MYO16: variants seen among roughly 807,000 people sequenced by gnomAD.
The protein encoded by MYO16 is unconventional myosin-XVI.
MYO16 carries 94 observed loss-of-function variants against 205.3 expected under a neutral mutation model. That is an observed-to-expected ratio of 0.46 (90% confidence interval 0.39 to 0.54). The LOEUF (loss-of-function observed/expected upper bound fraction) is 0.54, where lower values mean the gene tolerates loss of function less well. MYO16 is among the 20% of genes least tolerant of loss of function. The pLI is 0.00. For synonymous variants in MYO16, 988 were observed against 954.0 expected, an observed-to-expected ratio of 1.04 and a Z score of -0.66; for missense variants, 2,315 against 2,387.5, an observed-to-expected ratio of 0.97 and a Z score of 0.63.
intron 14 of MYO16, among the ~76,000 whole-genome samples, chr13:108,892,070 C>A (rs1313725286): frequency 1.3e-5 from 2 of 151,874 alleles, no homozygotes; most frequent in Admixed American, 1.3e-4. Flanking sequence ...AAAATTTATT[C>A]TTCTCTAATA....
At chr13:108,497,373 TAAAC>T in the MYO16 span, among the ~76,000 whole-genome samples, 14 of 152,380 alleles carry the variant, frequency 9.2e-5, no homozygotes, top group African/African-American at 2.2e-4. Context: ...TTGTTAATAT[TAAAC>T]AAGCATATGT....
intron 1 of MYO16, among the ~76,000 whole-genome samples, chr13:108,661,537 A>C (rs778288299): frequency 1.5e-4 from 23 of 151,964 alleles, no homozygotes; most frequent in Admixed American, 7.9e-4. Context: ...TTTGTCTTCA[A>C]GCTCTAAATT....
intron 1 of MYO16, among the ~76,000 whole-genome samples, chr13:108,619,854 G>A (rs1304121509): frequency 1.3e-5 from 2 of 152,076 alleles, no homozygotes; most frequent in African/African-American, 2.4e-5. Flanking sequence ...GGCAAGGGAC[G>A]ATGCGCGGTG....
intron 28 of MYO16, among the ~76,000 whole-genome samples, chr13:109,119,404 A>C (rs943424530): frequency 6.6e-6 from 1 of 152,190 alleles, no homozygotes; most frequent in Non-Finnish European, 1.5e-5. Context: ...CTTTCCCTTT[A>C]TCTAACAGAA....
intron 1 of MYO16, among the ~76,000 whole-genome samples, chr13:108,644,637 A>G (rs1271326351): frequency 2.0e-5 from 3 of 152,308 alleles, no homozygotes; most frequent in South Asian, 4.1e-4. Context: ...TAAAATGCAT[A>G]GCATTTAACA....
chr13:108,963,422 G>A (rs981044887), intron 19 of MYO16, among the ~76,000 whole-genome samples: 1 of 152,044 alleles, frequency 6.6e-6, no homozygotes, highest in African/African-American at 2.4e-5. Context: ...CCATGCATAG[G>A]TCAGACACAC....
intron 1 of MYO16, among the ~76,000 whole-genome samples, chr13:108,605,996 A>C (rs535637251): frequency 6.6e-6 from 1 of 152,284 alleles, no homozygotes; most frequent in Admixed American, 6.5e-5. Flanking sequence ...CAGATGAGGA[A>C]CTTCTTGGGA....
chr13:108,650,285 A>G (rs1880941736), intron 1 of MYO16, among the ~76,000 whole-genome samples: 1 of 152,216 alleles, frequency 6.6e-6, no homozygotes, highest in Non-Finnish European at 1.5e-5. Context: ...TATAAAGTAT[A>G]TGCTCGTTAG....
intron 32 of MYO16, among the ~76,000 whole-genome samples, chr13:109,150,859 C>A (rs1877620859): frequency 6.6e-6 from 1 of 152,206 alleles, no homozygotes; most frequent in Non-Finnish European, 1.5e-5. Flanking sequence ...AGAAATCCAG[C>A]CCTTTATCCT....
intron 21 of MYO16, among the ~76,000 whole-genome samples, chr13:108,993,715 T>C (rs1884913708): frequency 6.6e-6 from 1 of 152,162 alleles, no homozygotes; most frequent in South Asian, 2.1e-4. Flanking sequence ...GTGAGAAAAG[T>C]AATGATGAAC....
At chr13:108,846,706 GTTAT>G (rs1446165831) in intron 10 of MYO16, among the ~76,000 whole-genome samples, 3 of 151,870 alleles carry the variant, frequency 2.0e-5, no homozygotes, top group African/African-American at 7.3e-5. Context: ...GAATATTAAT[GTTAT>G]TTATTACATA....
At chr13:108,581,507 G>T in the MYO16 span, among the ~76,000 whole-genome samples, 3 of 150,094 alleles carry the variant, frequency 2.0e-5, no homozygotes, top group African/African-American at 7.4e-5. Flanking sequence ...TTTGTATCTT[G>T]CCTGTATTTC....
At chr13:109,048,128 C>T (rs1291756396) in intron 24 of MYO16, among the ~76,000 whole-genome samples, 8 of 139,224 alleles carry the variant, frequency 5.7e-5, no homozygotes, top group Non-Finnish European at 1.3e-4. Context: ...GCTTTTTTTA[C>T]TTTTGTATTT....
chr13:108,902,362 C>A lies in MYO16; in HGVS notation c.1777+4229C>A, dbSNP rs181810041. ...TGAAAGCACTCTTTTAGCTGTGGAT[C>A]TGATGTTCCCATGTCTCCCAGAGTA... is the stretch of plus-strand genomic sequence containing the variant. On this transcript the variant is annotated intron_variant, in intron 15 of 34. Transcript: ENST00000457511. 2.0e-3 allele frequency among the ~76,000 whole-genome samples: 302 copies of A among 152,334 alleles called. 6 individuals are homozygous for A. The highest frequency in any genetic ancestry group is 3.3e-3 in the Admixed American group (50 of 15,300).
chr13:108,990,991 T>C (rs765180628), intron 20 of MYO16, among the ~76,000 whole-genome samples: 1 of 152,198 alleles, frequency 6.6e-6, no homozygotes, highest in African/African-American at 2.4e-5. Flanking sequence ...AATCAAATAA[T>C]GGATATTGAT....
intron 1 of MYO16, among the ~76,000 whole-genome samples, chr13:108,645,151 A>G (rs1422403333): frequency 6.6e-6 from 1 of 152,174 alleles, no homozygotes; most frequent in East Asian, 1.9e-4. Flanking sequence ...GATCTAAGCT[A>G]GGTCTGGAAC....
chr13:108,871,023 C>T (rs570662829), intron 12 of MYO16, among the ~76,000 whole-genome samples: 25 of 151,770 alleles, frequency 1.6e-4, no homozygotes, highest in East Asian at 5.8e-4. Context: ...AAATATAAAC[C>T]GAATTAATCT....
At chr13:108,962,145 G>A (rs1883611916) in intron 18 of MYO16, among the ~76,000 whole-genome samples, 1 of 152,192 alleles carries the variant, frequency 6.6e-6, no homozygotes, top group Admixed American at 6.5e-5. Flanking sequence ...GATTTAACCA[G>A]GTACCTGGAA....
intron 4 of MYO16, among the ~76,000 whole-genome samples, chr13:108,759,369 TG>T: frequency 6.6e-6 from 1 of 152,346 alleles, no homozygotes; most frequent in Middle Eastern, 3.4e-3. Context: ...CCTGTACTTT[TG>T]GTATTTTGTC....
Sources: gnomAD v4.1 joint callset for allele counts (sites outside exome capture counted in the v4.1 genomes callset) on GRCh38, gnomAD v4.1.1 for gene constraint, MANE v1.5 for transcripts, NCBI Gene and HGNC (gene_info 2026-07-23, HGNC 2026-07-21) for gene names.